Variants in CSNK1D observed in about 807,000 individuals in gnomAD.
CSNK1D encodes casein kinase I isoform delta.
Under a neutral mutation model 46.6 loss-of-function variants are expected in CSNK1D, and 16 were observed. That is an observed-to-expected ratio of 0.34 (90% CI 0.23 to 0.52). The LOEUF (loss-of-function observed/expected upper bound fraction) is 0.52. Ranked by LOEUF, CSNK1D falls within the 20% of genes least tolerant of loss-of-function variation. The pLI is 0.95. For missense variants in CSNK1D, 398 were observed against 578.4 expected (o/e 0.69, Z 3.20); for synonymous variants, 276 against 228.2 (o/e 1.21, Z -1.89).
Position 82,252,983 on chromosome 17 carries a change from C to T in CSNK1D, c.565+33G>A, listed in dbSNP as rs780197149. 1.2e-6 allele frequency: 2 copies of T among 1,601,244 alleles called. No homozygotes were observed. The highest frequency in any genetic ancestry group is 1.3e-5 in the African/African-American group (1 of 74,796). On this transcript the variant is annotated intron_variant, in intron 4 of 8. Coordinates refer to ENST00000314028, the MANE Select transcript of CSNK1D (RefSeq NM_001893.6). This position sits in a 1 kb window ranked among gnomAD's most constrained non-coding sequence, Gnocchi z 4.6. ...GAGGCATGGACGCGCCCAAAGGCAC[C>T]CCAGGTCAGTGACCCCATGCCCAGG... is the stretch of plus-strand genomic sequence containing the variant.
intron 1 of CSNK1D, among the ~76,000 whole-genome samples, chr17:82,267,840 T>G (rs930573669): frequency 1.5e-4 from 23 of 152,220 alleles, no homozygotes; most frequent in African/African-American, 5.5e-4. Context: ...GGCAGCCCAG[T>G]GACCCCATGG....
chr17:82,258,494 C>T (rs6502091), intron 2 of CSNK1D, among the ~76,000 whole-genome samples: 22,120 of 152,060 alleles, frequency 0.15, 5,115 homozygotes, highest in African/African-American at 0.49. Context: ...AAGTTCCCGA[C>T]TTTGGGTGTT....
rs991691151 is a variant in CSNK1D, at chr17:82,250,033, C to T, written c.886-431G>A. ...GTGGGGATGAGAGCGTTTGGTCGGA[C>T]GAGGAGTACACTCAGGGTCCGGACC... is the stretch of plus-strand genomic sequence containing the variant. On this transcript the variant is annotated intron_variant, in intron 6 of 8. Coordinates refer to ENST00000314028, the MANE Select transcript of CSNK1D (RefSeq NM_001893.6). The surrounding 1 kb of genome is among the most constrained non-coding windows in gnomAD (Gnocchi z 4.6). 1.2e-5 allele frequency: 15 copies of T among 1,254,042 alleles called. No individual in the cohort carries two copies. Among genetic ancestry groups the T allele is most frequent in the African/African-American group, 6.2e-5 (4 of 64,964 alleles). The allele number at this position is 1,254,042 out of a possible 1,614,324, so 77.7% of individuals were successfully genotyped here. A position where few individuals can be genotyped will look rare whatever the true frequency, so the allele number is the denominator to read the frequency against.
At chr17:82,253,695 G>A (rs1423767443) in intron 3 of CSNK1D, 2 of 344,748 alleles carry the variant, frequency 5.8e-6, no homozygotes, top group Non-Finnish European at 5.6e-6. Flanking sequence ...AGTGAGCTGA[G>A]CCACCAGAGC....
chr17:82,259,263 G>C (rs2051264125), intron 2 of CSNK1D, among the ~76,000 whole-genome samples: 1 of 152,138 alleles, frequency 6.6e-6, no homozygotes, highest in African/African-American at 2.4e-5. Context: ...TAAATTGTTG[G>C]TTTAACAAAA....
At chr17:82,271,660 T>C (rs969317628) in intron 1 of CSNK1D, among the ~76,000 whole-genome samples, 1 of 152,182 alleles carries the variant, frequency 6.6e-6, no homozygotes, top group South Asian at 2.1e-4. Context: ...TGTGACAGGG[T>C]CACCTGGCAG....
In CSNK1D at chr17:82,255,293, G is replaced by A. The variant is rs1348397298; in HGVS notation, c.336+136C>T. 1 of 1,074,882 alleles carries A rather than the reference G, an allele frequency of 9.3e-7. No homozygotes were observed. The highest frequency in any genetic ancestry group is 1.4e-6 in the Non-Finnish European group (1 of 709,188). The allele number at this position is 1,074,882 out of a possible 1,614,324, so 66.6% of individuals were successfully genotyped here. A position where few individuals can be genotyped will look rare whatever the true frequency, so the allele number is the denominator to read the frequency against. On this transcript the variant is annotated intron_variant, in intron 3 of 8. Coordinates refer to ENST00000314028, the MANE Select transcript of CSNK1D (RefSeq NM_001893.6). The surrounding 1 kb of genome is among the most constrained non-coding windows in gnomAD (Gnocchi z 5.9). Reference sequence around the variant, plus strand: ...GAAGCCAGTGAGCTGAGCCACTGCAGCCTCAAGGCTGAGGCTCAGCAAATT... The same window carrying A: ...GAAGCCAGTGAGCTGAGCCACTGCAACCTCAAGGCTGAGGCTCAGCAAATT...
intron 2 of CSNK1D, among the ~76,000 whole-genome samples, chr17:82,257,697 C>G (rs918147445): frequency 3.3e-5 from 5 of 152,192 alleles, no homozygotes; most frequent in Non-Finnish European, 7.3e-5. Flanking sequence ...AGCACAAACG[C>G]CAGACTGAAC....
downstream of CSNK1D, chr17:82,239,968 C>A: frequency 8.1e-7 from 1 of 1,232,908 alleles, no homozygotes; most frequent in Non-Finnish European, 1.0e-6. Context: ...CAGAGGCCGC[C>A]GGGGCCCTCA....
intron 2 of CSNK1D, among the ~76,000 whole-genome samples, chr17:82,257,917 C>T (rs1047690473): frequency 1.3e-5 from 2 of 152,062 alleles, no homozygotes; most frequent in Non-Finnish European, 1.5e-5. Context: ...ATTCCACCGT[C>T]GAAAAGTTTT....
At chr17:82,246,749 G>A in intron 8 of CSNK1D, 8 of 991,980 alleles carry the variant, frequency 8.1e-6, no homozygotes, top group Non-Finnish European at 9.6e-6. Context: ...CCTTCCTGCT[G>A]CCTCCTCCCA....
intron 8 of CSNK1D, chr17:82,245,699 G>A (rs866945649): frequency 2.2e-6 from 1 of 464,826 alleles, no homozygotes; most frequent in Non-Finnish European, 4.0e-6. Context: ...GGAGAGCAAC[G>A]GCACACGGAA....
At chr17:82,246,639 C>A (rs1011910325) in intron 8 of CSNK1D, 1 of 1,003,894 alleles carries the variant, frequency 1.0e-6, no homozygotes, top group South Asian at 4.1e-5. Flanking sequence ...CGGGCTGGGG[C>A]GGGGCCCTAC....
At chr17:82,272,596 G>A (rs2051657153) in intron 1 of CSNK1D, among the ~76,000 whole-genome samples, 1 of 152,114 alleles carries the variant, frequency 6.6e-6, no homozygotes, top group African/African-American at 2.4e-5. Context: ...CTTAACCCTT[G>A]CTCATTTGCA....
intron 2 of CSNK1D, among the ~76,000 whole-genome samples, chr17:82,256,129 G>A (rs1407591484): frequency 6.6e-6 from 1 of 152,160 alleles, no homozygotes; most frequent in Non-Finnish European, 1.5e-5. Flanking sequence ...TACAAATCAG[G>A]GAAGTGAAAA....
intron 1 of CSNK1D, among the ~76,000 whole-genome samples, chr17:82,272,705 G>A (rs549617354): frequency 2.6e-5 from 4 of 152,190 alleles, no homozygotes; most frequent in African/African-American, 4.8e-5. Context: ...CGCTCCACAC[G>A]GCATTTGGGT....
intron 1 of CSNK1D, among the ~76,000 whole-genome samples, chr17:82,269,440 A>G (rs1193563753): frequency 6.6e-6 from 1 of 152,172 alleles, no homozygotes; most frequent in Non-Finnish European, 1.5e-5. Context: ...GCTGGTCAGC[A>G]TCTTGGGGCC....
Position 82,252,460 on chromosome 17 carries a change from A to T in CSNK1D, c.710T>A (p.Ile237Asn). The change falls in exon 5 of 9, where the codon ATC becomes AAC. Residue 237 changes from isoleucine (I) to asparagine (N), a missense_variant. Around this residue, in one of 2 missense-constraint regions of CSNK1D, gnomAD observed 217 missense variants for 370.3 expected, o/e 0.59. Coordinates refer to ENST00000314028, the MANE Select transcript of CSNK1D (RefSeq NM_001893.6). This position sits in a 1 kb window ranked among gnomAD's most constrained non-coding sequence, Gnocchi z 4.6. ...AGGGTAGCCTTTACACAACACTTCG[A>T]TGGGGGTGGACATTTTCTTCTCGCT... is the stretch of plus-strand genomic sequence containing the variant. Reference protein sequence around the residue: ...RISEKKMSTPIEVLCKGYPSE... With the variant: ...RISEKKMSTPNEVLCKGYPSE... 1 of 1,613,996 alleles carries T rather than the reference A, an allele frequency of 6.2e-7. No individual in the cohort carries two copies. Among genetic ancestry groups the T allele is most frequent in the Non-Finnish European group, 8.5e-7 (1 of 1,179,984 alleles).
Position 82,273,493 on chromosome 17 carries a change from C to G in CSNK1D, c.-112G>C. 2 of 1,289,628 alleles carry G rather than the reference C, an allele frequency of 1.6e-6. No individual in the cohort carries two copies. Among genetic ancestry groups the G allele is most frequent in the Non-Finnish European group, 2.2e-6 (2 of 922,792 alleles). The allele number at this position is 1,289,628 out of a possible 1,614,324, so 79.9% of individuals were successfully genotyped here. ...CGGGTCCGGCTCCCGGCTCCGCCCC[C>G]CTCACGGCCCCGCTTTCACCATCGC... On this transcript the variant is annotated 5_prime_UTR_variant, in exon 1 of 9. Transcript: ENST00000314028. This position sits in a 1 kb window ranked among gnomAD's most constrained non-coding sequence, Gnocchi z 5.1.
Sources: allele counts gnomAD v4.1 joint callset (sites outside exome capture counted in the v4.1 genomes callset), GRCh38; gene constraint gnomAD v4.1.1; regional missense constraint gnomAD v4.1.1; non-coding constraint Gnocchi (gnomAD v3.1); transcripts MANE v1.5; gene names NCBI Gene and HGNC (gene_info 2026-07-23, HGNC 2026-07-21).